Variants in INTS4 observed in about 807,000 individuals in gnomAD.
INTS4 encodes MSTP093.
INTS4 carries 70 observed loss-of-function variants against 119.5 expected under a neutral mutation model. That is an observed-to-expected ratio of 0.59 (90% CI 0.48 to 0.71). The LOEUF (loss-of-function observed/expected upper bound fraction) is 0.71. Ranked by LOEUF, INTS4 falls within the 30% of genes least tolerant of loss-of-function variation. The probability of loss-of-function intolerance (pLI) is 0.00; values close to 1 mark genes in which losing one functional copy is unlikely to be tolerated. For missense variants in INTS4, 867 were observed against 1,173.2 expected, an observed-to-expected ratio of 0.74 and a Z score of 3.81; for synonymous variants, 316 against 419.6, an observed-to-expected ratio of 0.75 and a Z score of 3.02.
rs533963199 is a variant in INTS4, at chr11:77,979,018, C to T, written c.449G>A (p.Arg150Gln). The T allele has an allele frequency of 1.9e-5, 31 of 1,610,660 alleles. No homozygotes were observed. Among genetic ancestry groups the T allele is most frequent in the Middle Eastern group, 1.7e-4 (1 of 6,054 alleles). Residue 150 changes from arginine to glutamine, a missense_variant, in exon 4 of 23, where the codon CGA (arginine) becomes CAA (glutamine). By Grantham distance (43) the Arg-to-Gln change is conservative. Coordinates refer to ENST00000534064, the MANE Select transcript of INTS4 (RefSeq NM_033547.4). ...KLPENQAIQM[R>Q]LVDVACKHLT... Reference sequence around the variant, plus strand: ...TACCTTGCAGGCCACATCAACTAATCGCATTTGGATAGCTTGATTCTCTGG... The same window carrying T: ...TACCTTGCAGGCCACATCAACTAATTGCATTTGGATAGCTTGATTCTCTGG...
chr11:77,920,146 C>CAT (rs935966427), intron 14 of INTS4, among the ~76,000 whole-genome samples: 41 of 96,360 alleles, frequency 4.3e-4, no homozygotes, highest in Admixed American at 6.5e-4. Flanking sequence ...ATTTTCTAAC[C>CAT]ATATATATAT....
intron 2 of INTS4, among the ~76,000 whole-genome samples, chr11:77,982,557 T>C (rs1445471919): frequency 6.6e-6 from 1 of 152,092 alleles, no homozygotes; most frequent in Admixed American, 6.6e-5. Context: ...AAAGAAATAG[T>C]CTGGCTGTTT....
At chr11:77,895,527 G>GAAAAA (rs71046921) in intron 18 of INTS4, among the ~76,000 whole-genome samples, 17 of 39,260 alleles carry the variant, frequency 4.3e-4, no homozygotes, top group African/African-American at 1.4e-3. Context: ...TTCTTTTCCT[G>GAAAAA]AAAAAAAAAA....
chr11:77,964,736 G>A (rs1855419152), intron 4 of INTS4, among the ~76,000 whole-genome samples: 2 of 152,010 alleles, frequency 1.3e-5, no homozygotes, highest in Non-Finnish European at 2.9e-5. Context: ...AGGGAGGAAG[G>A]GAGGGAAAGC....
chr11:77,918,202 C>T (rs184498221), intron 15 of INTS4: 10 of 651,546 alleles, frequency 1.5e-5, no homozygotes, highest in Middle Eastern at 3.1e-4. Context: ...GAGGCCGAGG[C>T]GGGAGGATCA....
At chr11:77,909,721 A>T (rs1399188332) in intron 15 of INTS4, among the ~76,000 whole-genome samples, 1 of 152,256 alleles carries the variant, frequency 6.6e-6, no homozygotes, top group African/African-American at 2.4e-5. Context: ...ATATGAAAAC[A>T]TATCTGCCTA....
intron 2 of INTS4, among the ~76,000 whole-genome samples, chr11:77,986,205 G>A (rs7110670): frequency 0.74 from 113,016 of 152,126 alleles, 42,501 homozygotes; most frequent in African/African-American, 0.85. Context: ...AAGAGTCTTC[G>A]CCACATTTAT....
chr11:77,905,175 G>T (rs1030095698), intron 16 of INTS4, among the ~76,000 whole-genome samples: 5 of 152,096 alleles, frequency 3.3e-5, no homozygotes, highest in African/African-American at 1.2e-4. Flanking sequence ...AGACGAAATG[G>T]GCTGGGAGTG....
intron 4 of INTS4, among the ~76,000 whole-genome samples, chr11:77,967,952 T>G (rs1855566713): frequency 6.6e-6 from 1 of 152,222 alleles, no homozygotes; most frequent in Non-Finnish European, 1.5e-5. Context: ...CATCAGAGTG[T>G]ACTTACCCAA....
intron 17 of INTS4, among the ~76,000 whole-genome samples, chr11:77,902,437 C>A (rs1453748333): frequency 6.6e-6 from 1 of 152,082 alleles, no homozygotes; most frequent in African/African-American, 2.4e-5. Flanking sequence ...AGCCACATAC[C>A]AGGTCTGAGA....
At position 77,904,136 on chromosome 11, in the gene INTS4, A is replaced by G. The variant is rs536781669; in HGVS notation, c.2017-516T>C. Among the ~76,000 whole-genome samples the G allele has an allele frequency of 6.5e-4, 99 of 151,926 alleles. 1 individual carries two copies. The highest frequency in any genetic ancestry group is 5.8e-4 in the Non-Finnish European group (39 of 67,758). On this transcript the variant is annotated intron_variant, in intron 16 of 22. Transcript: ENST00000534064. ...TCTTTCTACATTCAAAACCACCACTAAGAGCCATGATTTTACCTTCCATCT... is the reference window on the plus strand; with the variant it reads ...TCTTTCTACATTCAAAACCACCACTGAGAGCCATGATTTTACCTTCCATCT...
intron 7 of INTS4, among the ~76,000 whole-genome samples, chr11:77,956,614 G>A (rs1022726812): frequency 2.2e-4 from 34 of 152,036 alleles, no homozygotes; most frequent in African/African-American, 6.8e-4. Flanking sequence ...GGCTGAGGCA[G>A]GAGAATCGCT....
chr11:77,889,108 A>G (rs1952146050), intron 21 of INTS4, among the ~76,000 whole-genome samples: 1 of 152,214 alleles, frequency 6.6e-6, no homozygotes, highest in Non-Finnish European at 1.5e-5. Flanking sequence ...TCATGCTGCT[A>G]TAAAGACACA....
chr11:77,964,797 A>G (rs965782767), intron 4 of INTS4, among the ~76,000 whole-genome samples: 3 of 151,994 alleles, frequency 2.0e-5, no homozygotes, highest in African/African-American at 7.2e-5. Flanking sequence ...CTTTATGGTA[A>G]TAACAAAGTC....
chr11:77,885,443 T>C (rs993937860), intron 21 of INTS4, among the ~76,000 whole-genome samples: 1 of 151,778 alleles, frequency 6.6e-6, no homozygotes, highest in Non-Finnish European at 1.5e-5. Flanking sequence ...AAACCTACTA[T>C]AGGAAAAAAA....
chr11:77,937,781 T>G (rs1317639649), intron 10 of INTS4, among the ~76,000 whole-genome samples: 2 of 151,954 alleles, frequency 1.3e-5, no homozygotes, highest in African/African-American at 4.8e-5. Context: ...AAAAACTTAT[T>G]AATCTAGAAT....
At chr11:77,946,476 T>C (rs1954050054) in intron 8 of INTS4, among the ~76,000 whole-genome samples, 1 of 152,136 alleles carries the variant, frequency 6.6e-6, no homozygotes, top group Non-Finnish European at 1.5e-5. Flanking sequence ...ACAGTAAGTC[T>C]CCTGGCTGGG....
chr11:77,917,014 T>C (rs776108554), intron 15 of INTS4, among the ~76,000 whole-genome samples: 1 of 152,238 alleles, frequency 6.6e-6, no homozygotes, highest in East Asian at 1.9e-4. Flanking sequence ...GATGGTTCAG[T>C]TGGCTGGCTT....
At chr11:77,944,929 T>C (rs1352722123) in intron 8 of INTS4, among the ~76,000 whole-genome samples, 1 of 152,190 alleles carries the variant, frequency 6.6e-6, no homozygotes, top group Non-Finnish European at 1.5e-5. Context: ...TGTATGAAGA[T>C]TTGTTTAAAA....
Sources: allele counts gnomAD v4.1 joint callset (sites outside exome capture counted in the v4.1 genomes callset), GRCh38; gene constraint gnomAD v4.1.1; transcripts MANE v1.5; gene names NCBI Gene and HGNC (gene_info 2026-07-23, HGNC 2026-07-21).